The following ASIC2 variants were observed in gnomAD, a reference collection of about 807,000 sequenced individuals.
ASIC2 encodes acid-sensing ion channel 2.
In ASIC2, 25 loss-of-function variants were observed where a neutral mutation model predicts 57.3. The observed-to-expected ratio is 0.44, with a 90% CI of 0.32 to 0.61. The LOEUF (loss-of-function observed/expected upper bound fraction) is 0.61. Among genes scored for constraint, ASIC2 ranks in the 20% least tolerant of loss-of-function variants. The pLI, the probability that ASIC2 is intolerant of heterozygous loss-of-function variation, is 0.06. For missense variants in ASIC2, 641 were observed against 738.1 expected (o/e 0.87, Z 1.52); for synonymous variants, 319 against 307.5 (o/e 1.04, Z -0.39).
intron 1 of ASIC2, among the ~76,000 whole-genome samples, chr17:34,016,074 G>A (rs761544335): frequency 8.5e-5 from 13 of 152,170 alleles, no homozygotes; most frequent in Non-Finnish European, 1.9e-4. Flanking sequence ...AATATCCATC[G>A]ATATGTAAGC....
rs186323039 is a variant in ASIC2 at position 33,422,428 on chromosome 17, G to A, written c.556-310361C>T. On this transcript the variant is annotated intron_variant, in intron 1 of 9. Transcript: ENST00000359872. The stretch of plus-strand genomic sequence containing the variant: ...TTATAAAGGCTGACTGGGAGTGCTG[G>A]TCTGCCAAGTTCCTCAAACCGTTTT... Among the ~76,000 whole-genome samples the A allele has an allele frequency of 3.0e-4, 45 of 152,302 alleles. No individual in the cohort carries two copies. The East Asian group carries it at 8.5e-3, about 29-fold the overall frequency.
intron 5 of ASIC2, 41 bp downstream of exon 5, chr17:33,025,884 GC>G (rs1401294115): frequency 1.2e-5 from 18 of 1,538,894 alleles, no homozygotes; most frequent in Admixed American, 4.1e-5. Flanking sequence ...TCAGTCTCAG[GC>G]CCCCGGCCCC....
chr17:33,532,330 C>T (rs1444132770), intron 1 of ASIC2, among the ~76,000 whole-genome samples: 2 of 152,222 alleles, frequency 1.3e-5, no homozygotes, highest in Non-Finnish European at 2.9e-5. Context: ...ACAGAATTTA[C>T]AATCTTGTGC....
At chr17:34,133,606 G>A (rs1336828253) in intron 1 of ASIC2, among the ~76,000 whole-genome samples, 4 of 152,246 alleles carry the variant, frequency 2.6e-5, no homozygotes, top group South Asian at 4.1e-4. Context: ...AGGAGCCTTC[G>A]TAGGGCCTGG....
chr17:33,017,625 G>A lies in ASIC2; in HGVS notation c.1501C>T (p.Leu501Phe), dbSNP rs1337592623. Residue 501 changes from leucine to phenylalanine, a missense_variant, in exon 8 of 10, where the codon CTC becomes TTC. Physicochemically the swap from Leu to Phe is conservative, Grantham distance 22. Transcript: ENST00000225823. ...IGASILTILE[L>F]FDYIYELIKE... ...CTTACCTCATAAATATAATCAAAGA[G>A]CTCTAGTATTGTAAGGATACTAGCA... The A allele has an allele frequency of 1.1e-5, 17 of 1,613,230 alleles. No individual in the cohort carries two copies. The Admixed American group carries it at 2.3e-4, about 22-fold the overall frequency.
intron 8 of ASIC2, 61 bp from the exon 9 acceptor site, chr17:33,016,100 C>G: frequency 6.4e-7 from 1 of 1,555,224 alleles, no homozygotes; most frequent in Non-Finnish European, 8.9e-7. Flanking sequence ...GCAGAAGGGA[C>G]CTCCCTCCAT....
intron 1 of ASIC2, among the ~76,000 whole-genome samples, chr17:33,311,495 G>T (rs1206504483): frequency 6.6e-6 from 1 of 151,856 alleles, no homozygotes; most frequent in Non-Finnish European, 1.5e-5. Context: ...TCAGGGTAGG[G>T]GAATGCAGGG....
chr17:33,448,428 G>A (rs1185387494), intron 1 of ASIC2, among the ~76,000 whole-genome samples: 1 of 152,174 alleles, frequency 6.6e-6, no homozygotes, highest in East Asian at 1.9e-4. Context: ...TCGAGATAAG[G>A]AAATTATCCT....
At chr17:33,402,202 T>A (rs187812082) in intron 1 of ASIC2, among the ~76,000 whole-genome samples, 1 of 152,316 alleles carries the variant, frequency 6.6e-6, no homozygotes, top group African/African-American at 2.4e-5. Context: ...ATGCACAGGC[T>A]CATATCTTAG....
chr17:33,357,834 G>A (rs1331166594), intron 1 of ASIC2, among the ~76,000 whole-genome samples: 4 of 152,158 alleles, frequency 2.6e-5, no homozygotes, highest in Non-Finnish European at 4.4e-5. Context: ...TATTTGCTAT[G>A]ATGGCCTAAC....
At chr17:33,935,049 G>A (rs927572704) in intron 1 of ASIC2, among the ~76,000 whole-genome samples, 3 of 152,204 alleles carry the variant, frequency 2.0e-5, no homozygotes, top group Non-Finnish European at 2.9e-5. Flanking sequence ...AGCCTGTCCA[G>A]CACCATCCCT....
chr17:33,957,478 C>T (rs964161678), intron 1 of ASIC2, among the ~76,000 whole-genome samples: 16 of 152,116 alleles, frequency 1.1e-4, no homozygotes, highest in African/African-American at 2.7e-4. Context: ...GGGGAGGCCT[C>T]ACAATCATGA....
intron 1 of ASIC2, among the ~76,000 whole-genome samples, chr17:33,619,851 A>C (rs1045863125): frequency 6.6e-6 from 1 of 152,202 alleles, no homozygotes; most frequent in Non-Finnish European, 1.5e-5. Flanking sequence ...GAAAAAAAAA[A>C]ATCTACATTT....
rs140935439 is a variant in ASIC2, at chr17:33,668,103, C to T, written c.555+487875G>A. Reference sequence around the variant, plus strand: ...TAGGAAGAAGCATGTTTGTGAACCGCGCTGGCGTGTCTGGAACTCCACCCT... The same window carrying T: ...TAGGAAGAAGCATGTTTGTGAACCGTGCTGGCGTGTCTGGAACTCCACCCT... On this transcript the variant is annotated intron_variant, in intron 1 of 9. Coordinates refer to the ASIC2 transcript ENST00000359872. 1.7e-3 allele frequency among the ~76,000 whole-genome samples: 264 copies of T among 152,206 alleles called. 1 individual carries two copies. The highest frequency in any genetic ancestry group is 6.0e-3 in the African/African-American group (251 of 41,538).
chr17:33,524,196 A>C (rs993546223), intron 1 of ASIC2, among the ~76,000 whole-genome samples: 5 of 152,136 alleles, frequency 3.3e-5, no homozygotes, highest in Non-Finnish European at 4.4e-5. Flanking sequence ...CTGCCTCCAA[A>C]TTCTTTGCCC....
intron 2 of ASIC2, among the ~76,000 whole-genome samples, chr17:33,095,913 G>T (rs969683723): frequency 5.9e-5 from 9 of 152,232 alleles, no homozygotes; most frequent in Non-Finnish European, 1.3e-4. Context: ...TGGGCCTGGA[G>T]TGTCCCTGTG....
chr17:33,995,682 A>G, intron 1 of ASIC2, among the ~76,000 whole-genome samples: 1 of 152,114 alleles, frequency 6.6e-6, no homozygotes, highest in South Asian at 2.1e-4. Context: ...GTATATACAC[A>G]CACACAAATG....
intron 1 of ASIC2, among the ~76,000 whole-genome samples, chr17:33,553,148 C>T (rs1005405136): frequency 1.3e-5 from 2 of 152,128 alleles, no homozygotes; most frequent in African/African-American, 4.8e-5. Flanking sequence ...TAAGGAAACA[C>T]CAAATCAATG....
intron 1 of ASIC2, among the ~76,000 whole-genome samples, chr17:33,146,570 CCT>C (rs1567762434): frequency 6.6e-6 from 1 of 152,206 alleles, no homozygotes; most frequent in Non-Finnish European, 1.5e-5. Flanking sequence ...AAACCAAACT[CCT>C]AGTTTGCTCA....
Sources: gnomAD v4.1 joint callset for allele counts (sites outside exome capture counted in the v4.1 genomes callset) on GRCh38, gnomAD v4.1.1 for gene constraint, MANE v1.5 for transcripts, NCBI Gene and HGNC (gene_info 2026-07-23, HGNC 2026-07-21) for gene names.